Variants in PLXNB1 observed in about 807,000 individuals in gnomAD.
The protein encoded by PLXNB1 is plexin B1, also known as plexin-B1.
A neutral mutation model predicts 209.4 loss-of-function variants in PLXNB1; 106 were observed. That is an observed-to-expected ratio of 0.51 (90% CI 0.43 to 0.59). PLXNB1 has a LOEUF of 0.59. Ranked by LOEUF, PLXNB1 falls within the 20% of genes least tolerant of loss-of-function variation. The pLI, the probability that PLXNB1 is intolerant of heterozygous loss-of-function variation, is 0.00. For missense variants in PLXNB1, 2,357 were observed against 2,853.2 expected, an observed-to-expected ratio of 0.83 and a Z score of 3.96; for synonymous variants, 1,167 against 1,183.2, an observed-to-expected ratio of 0.99 and a Z score of 0.28.
At position 48,409,969 on chromosome 3, in the gene PLXNB1, C is replaced by T; in HGVS notation, c.5714G>A (p.Gly1905Asp). 6.2e-7 allele frequency: 1 copy of T among 1,612,726 alleles called. No individual in the cohort carries two copies. Reference sequence around the variant, plus strand: ...GGCCTTGGCGCGCTCACGCTCCCCGCCCCGAAGGCTGCCCCTCCGAGGCCT... The same window carrying T: ...GGCCTTGGCGCGCTCACGCTCCCCGTCCCGAAGGCTGCCCCTCCGAGGCCT... ...PPRPRRGSLRGGERERAKAIP... is the reference protein window; with the variant it reads ...PPRPRRGSLRDGERERAKAIP... Residue 1905 changes from glycine (G) to aspartate (D), a missense_variant, in exon 32 of 38, where the codon GGC (glycine) becomes GAC (aspartate). Gly to Asp is a moderately conservative substitution (Grantham distance 94, BLOSUM62 -1). Around this residue, in one of 7 missense-constraint regions of PLXNB1, gnomAD observed 414 missense variants for 520.5 expected, o/e 0.80. Transcript: ENST00000296440. This position sits in a 1 kb window ranked among gnomAD's most constrained non-coding sequence, Gnocchi z 5.8.
In PLXNB1 at chr3:48,412,569, A is replaced by T; in HGVS notation, c.4906T>A (p.Tyr1636Asn). The T allele has an allele frequency of 6.2e-7, 1 of 1,613,644 alleles. No homozygotes were observed. Among genetic ancestry groups the T allele is most frequent in the Non-Finnish European group, 8.5e-7 (1 of 1,180,036 alleles). ...QRTFSARDRA[Y>N]VASLLTVALH... The stretch of plus-strand genomic sequence containing the variant: ...GCCACGGTGAGCAGAGATGCCACGT[A>T]GGCACGGTCCCGAGCTGAAAAGGTG... The change falls in exon 26 of 38, where the codon TAC becomes AAC. Residue 1636 changes from tyrosine to asparagine, a missense_variant. This residue lies in a region of PLXNB1 where 743 missense variants were observed against 896.2 expected (regional missense o/e 0.83). Transcript: ENST00000296440.
In PLXNB1 at chr3:48,418,866, C is replaced by T; in HGVS notation, c.2955+51G>A. Reference sequence around the variant, plus strand: ...CAGCCAGCTACAGTTGGCAGCCAGCCTGTGGCCAGTGCAGTGCACCCGTGC... The same window carrying T: ...CAGCCAGCTACAGTTGGCAGCCAGCTTGTGGCCAGTGCAGTGCACCCGTGC... On this transcript the variant is annotated intron_variant, in intron 13 of 37. Transcript: ENST00000296440. This position sits in a 1 kb window ranked among gnomAD's most constrained non-coding sequence, Gnocchi z 6.6. The T allele has an allele frequency of 6.2e-7, 1 of 1,608,528 alleles. No individual in the cohort carries two copies.
At position 48,424,051 on chromosome 3, in the gene PLXNB1, C is replaced by T. The variant is rs2038733636; in HGVS notation, c.561G>A (p.Arg187=). The T allele has an allele frequency of 6.3e-7, 1 of 1,593,794 alleles. No homozygotes were observed. The highest frequency in any genetic ancestry group is 1.3e-5 in the African/African-American group (1 of 74,492). ...CTTGGGGGTCGGGCGGCCACAGGGC[C>T]CGGGTTGTGATGGGTGGAATGCCAC... is the stretch of plus-strand genomic sequence containing the variant. The part of the protein sequence containing the change: ...VGGGIPPITT[R]ALWPPDPQAA... Residue 187 remains arginine, a synonymous_variant, in exon 3 of 38, where the codon CGG becomes CGA. Coordinates refer to ENST00000296440, the MANE Select transcript of PLXNB1 (RefSeq NM_001130082.3).
At chr3:48,420,821 G>A in intron 9 of PLXNB1, 27 bp downstream of exon 9, 3 of 1,611,760 alleles carry the variant, frequency 1.9e-6, no homozygotes, top group Non-Finnish European at 2.5e-6. Context: ...GGGAAGCCCA[G>A]GCCTGGGGAC....
chr3:48,423,024 T>TC, intron 3 of PLXNB1, 77 bp from the exon 4 acceptor site: 1 of 1,311,384 alleles, frequency 7.6e-7, no homozygotes, highest in Non-Finnish European at 1.1e-6. Flanking sequence ...ACAACCTCAT[T>TC]CCCTCCCCCA....
At position 48,416,693 on chromosome 3, in the gene PLXNB1, A is replaced by G; in HGVS notation, c.3375-242T>C. On this transcript the variant is annotated intron_variant, in intron 16 of 37. Transcript: ENST00000296440. This position sits in a 1 kb window ranked among gnomAD's most constrained non-coding sequence, Gnocchi z 4.1. ...AGTTCAACCCCAGGGGCCCCCAATAAGGAAGAATTTATCTGTGGCATAAAT... is the reference window on the plus strand; with the variant it reads ...AGTTCAACCCCAGGGGCCCCCAATAGGGAAGAATTTATCTGTGGCATAAAT... 1 of 373,514 alleles carries G rather than the reference A, an allele frequency of 2.7e-6. No homozygotes were observed. The highest frequency in any genetic ancestry group is 4.8e-6 in the Non-Finnish European group (1 of 209,888). 23.1% of individuals were successfully genotyped at this position (373,514 alleles called of 1,614,324 possible).
rs1334035497 is a variant in PLXNB1 at position 48,409,236 on chromosome 3, C to A, written c.6087+93G>T. ...AGGTCAGAGGTCTCCCCTAAGCCCTCCTTGAAGTTCTCAGAAAAGCCTGGA... is the reference window on the plus strand; with the variant it reads ...AGGTCAGAGGTCTCCCCTAAGCCCTACTTGAAGTTCTCAGAAAAGCCTGGA... On this transcript the variant is annotated intron_variant, in intron 34 of 37. Coordinates refer to ENST00000296440, the MANE Select transcript of PLXNB1 (RefSeq NM_001130082.3). This position sits in a 1 kb window ranked among gnomAD's most constrained non-coding sequence, Gnocchi z 5.8. 1.3e-6 allele frequency: 2 copies of A among 1,489,036 alleles called. No homozygotes were observed. The highest frequency in any genetic ancestry group is 2.3e-5 in the East Asian group (1 of 43,436). The allele number at this position is 1,489,036 out of a possible 1,614,324, so 92.2% of individuals were successfully genotyped here.
At position 48,412,522 on chromosome 3, in the gene PLXNB1, A is replaced by G. The variant is rs776757475; in HGVS notation, c.4953T>C (p.Tyr1651=). The change falls in exon 26 of 38, where the codon TAT becomes TAC. Residue 1651 remains tyrosine, a synonymous_variant. Transcript: ENST00000296440. ...LTVALHGKLE[Y]FTDILRTLLS... is the part of the protein sequence containing the mutation. ...GCAGAGTGCGGAGGATGTCAGTGAA[A>G]TACTCAAGCTTCCCATGCAGTGCCA... is the stretch of plus-strand genomic sequence containing the variant. The G allele has an allele frequency of 1.9e-6, 3 of 1,613,558 alleles. No individual in the cohort carries two copies. Among genetic ancestry groups the G allele is most frequent in the Admixed American group, 3.3e-5 (2 of 60,010 alleles).
rs186236865 is a variant in PLXNB1 at position 48,404,134 on chromosome 3, A to G, written c.*352T>C. 9.5e-4 allele frequency: 213 copies of G among 223,974 alleles called. No homozygotes were observed. The highest frequency in any genetic ancestry group is 1.5e-3 in the Non-Finnish European group (175 of 113,862). 13.9% of individuals were successfully genotyped at this position (223,974 alleles called of 1,614,324 possible). A position where few individuals can be genotyped will look rare whatever the true frequency, so the allele number is the denominator to read the frequency against. On this transcript the variant is annotated 3_prime_UTR_variant, in exon 38 of 38. Coordinates refer to ENST00000296440, the MANE Select transcript of PLXNB1 (RefSeq NM_001130082.3). ...ATGGGGCTCTCCTCCTTCCTCTCCG[A>G]ATCCCAGTGTGGCCAAGGCCAGTGT...
In PLXNB1 at chr3:48,405,740, T is replaced by C. The variant is rs1340084816; in HGVS notation, c.6287A>G (p.Asn2096Ser). The part of the protein sequence containing the change: ...VALHELYKYI[N>S]KYYDQIITAL... ...CCTGCCCACCTGGTCATAGTACTTG[T>C]TGATGTACTTGTAGAGTTCATGCAG... The change falls in exon 37 of 38, where the codon AAC becomes AGC. Residue 2096 changes from asparagine to serine, a missense_variant. This residue lies in a region of PLXNB1 where 414 missense variants were observed against 520.5 expected (regional missense o/e 0.80). Transcript: ENST00000296440. This position sits in a 1 kb window ranked among gnomAD's most constrained non-coding sequence, Gnocchi z 5.0. 1.9e-6 allele frequency: 3 copies of C among 1,613,534 alleles called. No homozygotes were observed. The highest frequency in any genetic ancestry group is 2.2e-5 in the East Asian group (1 of 44,876).
In PLXNB1 at chr3:48,409,961, G is replaced by T. The variant is rs1331392518; in HGVS notation, c.5722C>A (p.Arg1908Ser). The change falls in exon 32 of 38, where the codon CGT becomes AGT. Residue 1908 changes from arginine to serine, a missense_variant. By Grantham distance (110) the Arg-to-Ser change is moderately radical. Around this residue, in one of 7 missense-constraint regions of PLXNB1, gnomAD observed 414 missense variants for 520.5 expected, o/e 0.80. Transcript: ENST00000296440. This position sits in a 1 kb window ranked among gnomAD's most constrained non-coding sequence, Gnocchi z 5.8. ...TCAGGGATGGCCTTGGCGCGCTCAC[G>T]CTCCCCGCCCCGAAGGCTGCCCCTC... Reference protein sequence around the residue: ...PRRGSLRGGERERAKAIPEIY... With the variant: ...PRRGSLRGGESERAKAIPEIY... 1.2e-6 allele frequency: 2 copies of T among 1,611,844 alleles called. No homozygotes were observed. Among genetic ancestry groups the T allele is most frequent in the Non-Finnish European group, 1.7e-6 (2 of 1,179,356 alleles).
At position 48,406,468 on chromosome 3, in the gene PLXNB1, G is replaced by T; in HGVS notation, c.6228+355C>A. ...TACATTTTAGGGCGGTTTCAGGAAT[G>T]GGAGAGGTGAAGGGGACACCTGTGC... On this transcript the variant is annotated intron_variant, in intron 36 of 37. Coordinates refer to ENST00000296440, the MANE Select transcript of PLXNB1 (RefSeq NM_001130082.3). The surrounding 1 kb of genome is among the most constrained non-coding windows in gnomAD (Gnocchi z 4.4). The T allele has an allele frequency of 2.0e-6, 1 of 504,132 alleles. No homozygotes were observed. The highest frequency in any genetic ancestry group is 2.6e-6 in the Non-Finnish European group (1 of 390,208). The allele number at this position is 504,132 out of a possible 1,614,324, so 31.2% of individuals were successfully genotyped here.
chr3:48,410,515 C>T lies in PLXNB1; in HGVS notation c.5460G>A (p.Glu1820=), dbSNP rs1156774660. ...GACCCTGGACCTCAGAAGTGACATC[C>T]TCGTCAGAAAGAATGAGGTGCCCGG... is the stretch of plus-strand genomic sequence containing the variant. ...GVAGHLILSD[E]DVTSEVQGLW... is the part of the protein sequence containing the mutation. The change falls in exon 30 of 38, where the codon GAG becomes GAA. Residue 1820 remains glutamate (E), a synonymous_variant. Transcript: ENST00000296440. This position sits in a 1 kb window ranked among gnomAD's most constrained non-coding sequence, Gnocchi z 6.4. The T allele has an allele frequency of 4.3e-6, 7 of 1,613,806 alleles. No individual in the cohort carries two copies. The highest frequency in any genetic ancestry group is 1.7e-4 in the Middle Eastern group (1 of 6,060).
At chr3:48,426,097 AAGCTAGGC>A (rs1323226905) in intron 1 of PLXNB1, among the ~76,000 whole-genome samples, 1 of 152,154 alleles carries the variant, frequency 6.6e-6, no homozygotes, top group Non-Finnish European at 1.5e-5. Flanking sequence ...AGAGCTGTAG[AAGCTAGGC>A]CATCTCTTGC....
At chr3:48,428,250 G>A (rs747337557) in intron 1 of PLXNB1, among the ~76,000 whole-genome samples, 2 of 152,098 alleles carry the variant, frequency 1.3e-5, no homozygotes, top group Non-Finnish European at 2.9e-5. Context: ...ACCAGGCCAG[G>A]GCAGACTGAA....
In PLXNB1 at chr3:48,406,902, C is replaced by T. The variant is rs377164037; in HGVS notation, c.6153-4G>A. 7 of 1,612,924 alleles carry T rather than the reference C, an allele frequency of 4.3e-6. No individual in the cohort carries two copies. In the African/African-American group the frequency reaches 6.7e-5, roughly 15 times the overall value. ...CTGTCTGATGTCTGCATAGTACCTG[C>T]CAGAGAGCCAGGGCACAGCAGCTGC... On this transcript the variant is annotated splice_polypyrimidine_tract_variant and splice_region_variant and intron_variant, in intron 35 of 37. Coordinates refer to ENST00000296440, the MANE Select transcript of PLXNB1 (RefSeq NM_001130082.3). This position sits in a 1 kb window ranked among gnomAD's most constrained non-coding sequence, Gnocchi z 4.4.
intron 8 of PLXNB1, 128 bp downstream of exon 8, chr3:48,421,100 T>C: frequency 1.5e-6 from 2 of 1,311,366 alleles, no homozygotes; most frequent in Admixed American, 1.9e-5. Flanking sequence ...CTTCAGGTGG[T>C]TGGGGAGTGG....
intron 34 of PLXNB1, among the ~76,000 whole-genome samples, chr3:48,407,999 G>C (rs1220812674): frequency 6.6e-6 from 1 of 152,160 alleles, no homozygotes; most frequent in Non-Finnish European, 1.5e-5. Context: ...ATTTTGGACA[G>C]AACTTTCCGT....
Position 48,418,217 on chromosome 3 carries a change from G to C in PLXNB1, c.3196C>G (p.Gln1066Glu). 1 of 1,611,854 alleles carries C rather than the reference G, an allele frequency of 6.2e-7. No individual in the cohort carries two copies. Residue 1066 changes from glutamine to glutamate, a missense_variant, in exon 15 of 38, where the codon CAG becomes GAG. Around this residue, in one of 7 missense-constraint regions of PLXNB1, gnomAD observed 743 missense variants for 896.2 expected, o/e 0.83. Transcript: ENST00000296440. The surrounding 1 kb of genome is among the most constrained non-coding windows in gnomAD (Gnocchi z 6.6). ...GAGTGGATGAGGGGCGCTGGGCACT[G>C]GGTGGCCACAGCCTCAGCCTCACCA... ...ACGEAEAVAT[Q>E]CPAPLIHSVE...
Sources: gnomAD v4.1 joint callset for allele counts (sites outside exome capture counted in the v4.1 genomes callset) on GRCh38, gnomAD v4.1.1 for gene constraint, gnomAD v4.1.1 regional missense constraint, Gnocchi (gnomAD v3.1) non-coding constraint, MANE v1.5 for transcripts, NCBI Gene and HGNC (gene_info 2026-07-23, HGNC 2026-07-21) for gene names.